MCM5: variants seen among roughly 807,000 people sequenced by gnomAD.
MCM5 encodes the protein DNA replication licensing factor MCM5.
A neutral mutation model predicts 79.9 loss-of-function variants in MCM5; 46 were observed. The observed-to-expected ratio is 0.58, with a 90% CI of 0.45 to 0.74. The LOEUF (loss-of-function observed/expected upper bound fraction) is 0.74. MCM5 is among the 30% of genes least tolerant of loss of function. The pLI, the probability that MCM5 is intolerant of heterozygous loss-of-function variation, is 0.00. For missense variants in MCM5, 883 were observed against 1,017.0 expected, an observed-to-expected ratio of 0.87 and a Z score of 1.79; for synonymous variants, 404 against 390.5, an observed-to-expected ratio of 1.03 and a Z score of -0.41.
the MCM5 span, among the ~76,000 whole-genome samples, chr22:35,444,828 A>G: frequency 1.3e-5 from 2 of 152,114 alleles, no homozygotes; most frequent in East Asian, 3.9e-4. Flanking sequence ...AGCCTGGGCG[A>G]TGTAGCAAGA....
the MCM5 span, among the ~76,000 whole-genome samples, chr22:35,446,749 A>G: frequency 1.3e-5 from 2 of 152,134 alleles, no homozygotes; most frequent in South Asian, 4.2e-4. Flanking sequence ...TCCTGGACTC[A>G]CCGCACCCCC....
chr22:35,412,667 G>A lies in MCM5; in HGVS notation c.1077G>A (p.Gly359=). ...MKKAIACLLF[G]GSRKRLPDGL... ...AGGCCATTGCCTGCCTGCTCTTTGGGGGCTCCCGAAAGAGGTAGGGGCTTG... is the reference window on the plus strand; with the variant it reads ...AGGCCATTGCCTGCCTGCTCTTTGGAGGCTCCCGAAAGAGGTAGGGGCTTG... Residue 359 remains glycine, a synonymous_variant, in exon 8 of 17, where the codon GGG becomes GGA. Coordinates refer to ENST00000216122, the MANE Select transcript of MCM5 (RefSeq NM_006739.4). 1.3e-6 allele frequency: 2 copies of A among 1,504,482 alleles called. No homozygotes were observed. Among genetic ancestry groups the A allele is most frequent in the Non-Finnish European group, 1.8e-6 (2 of 1,119,086 alleles). 93.2% of individuals were successfully genotyped at this position (1,504,482 alleles called of 1,614,324 possible).
chr22:35,406,244 T>C lies in MCM5; in HGVS notation c.424-309T>C, dbSNP rs577543526. On this transcript the variant is annotated intron_variant, in intron 4 of 16. Transcript: ENST00000216122. ...CAGAGCTGGGGTCAGGTCTCTCTCC[T>C]GGCACCTGCCACTTTGTAGTGAAAT... is the stretch of plus-strand genomic sequence containing the variant. 2.0e-5 allele frequency among the ~76,000 whole-genome samples: 3 copies of C among 149,218 alleles called. No homozygotes were observed. The East Asian group carries it at 5.9e-4, about 29-fold the overall frequency.
intron 14 of MCM5, among the ~76,000 whole-genome samples, chr22:35,420,983 C>T (rs1932677442): frequency 1.3e-5 from 2 of 151,916 alleles, no homozygotes. Context: ...AAAAAATTAG[C>T]CAGGCATTGT....
intron 8 of MCM5, among the ~76,000 whole-genome samples, chr22:35,413,369 A>G (rs527595540): frequency 6.6e-6 from 1 of 152,224 alleles, no homozygotes; most frequent in South Asian, 2.1e-4. Flanking sequence ...TAAGTGCTTT[A>G]TGTGTCTGAA....
At position 35,421,366 on chromosome 22, in the gene MCM5, G is replaced by A; in HGVS notation, c.1881G>A (p.Lys627=). 6.2e-7 allele frequency: 1 copy of A among 1,614,086 alleles called. No individual in the cohort carries two copies. Among genetic ancestry groups the A allele is most frequent in the Non-Finnish European group, 8.5e-7 (1 of 1,180,044 alleles). The change falls in exon 15 of 17, where the codon AAG becomes AAA. Residue 627 remains lysine (K), a synonymous_variant. Coordinates refer to ENST00000216122, the MANE Select transcript of MCM5 (RefSeq NM_006739.4). ...TCGCGGAAGCCCTCAGCAAGATGAAGCTGCAGCCCTTCGCCACAGAGGCAG... is the reference window on the plus strand; with the variant it reads ...TCGCGGAAGCCCTCAGCAAGATGAAACTGCAGCCCTTCGCCACAGAGGCAG... ...VRIAEALSKM[K]LQPFATEADV...
intron 9 of MCM5, among the ~76,000 whole-genome samples, chr22:35,414,410 A>C (rs970367907): frequency 1.3e-5 from 2 of 152,132 alleles, no homozygotes; most frequent in African/African-American, 4.8e-5. Context: ...GCTTGAGCTC[A>C]GGAGTTTGAG....
At chr22:35,417,647 A>C in intron 12 of MCM5, 97 bp from the exon 13 acceptor site, 1 of 827,276 alleles carries the variant, frequency 1.2e-6, no homozygotes, top group Non-Finnish European at 2.1e-6. Flanking sequence ...CCTTGATGCC[A>C]GGGCCCCATC....
At chr22:35,432,147 A>G in the MCM5 span, among the ~76,000 whole-genome samples, 2 of 152,194 alleles carry the variant, frequency 1.3e-5, no homozygotes, top group Non-Finnish European at 2.9e-5. Flanking sequence ...ATTCAGCTAA[A>G]TTTACCAAGC....
the MCM5 span, among the ~76,000 whole-genome samples, chr22:35,452,668 ACT>A: frequency 1.3e-5 from 2 of 151,910 alleles, no homozygotes; most frequent in Admixed American, 6.6e-5. Context: ...CTTTTCGTTG[ACT>A]CTGCAGCTCC....
chr22:35,427,798 A>G (rs1451026185), downstream of MCM5, among the ~76,000 whole-genome samples: 4 of 151,902 alleles, frequency 2.6e-5, no homozygotes, highest in Non-Finnish European at 5.9e-5. Context: ...AGAGTACATT[A>G]AAATGGTTTT....
the MCM5 span, among the ~76,000 whole-genome samples, chr22:35,443,221 C>T: frequency 6.6e-6 from 1 of 152,188 alleles, no homozygotes; most frequent in African/African-American, 2.4e-5. Context: ...GAATCTCGAT[C>T]TGTCACCCAG....
Position 35,400,691 on chromosome 22 carries a change from G to A in MCM5, c.167+86G>A, listed in dbSNP as rs1007593692. On this transcript the variant is annotated intron_variant, in intron 2 of 16. Coordinates refer to ENST00000216122, the MANE Select transcript of MCM5 (RefSeq NM_006739.4). ...AGCCTGCTAGAGTCCTGGACAGTCA[G>A]GGCACAGATGGGCCCAGACGGGGGA... 5 of 1,395,392 alleles carry A rather than the reference G, an allele frequency of 3.6e-6. No homozygotes were observed. The African/African-American group carries it at 5.8e-5, about 16-fold the overall frequency. 86.4% of individuals were successfully genotyped at this position (1,395,392 alleles called of 1,614,324 possible). A position where few individuals can be genotyped will look rare whatever the true frequency, so the allele number is the denominator to read the frequency against.
chr22:35,412,668 G>T lies in MCM5; in HGVS notation c.1078G>T (p.Gly360Cys), dbSNP rs1932420410. 6.7e-7 allele frequency: 1 copy of T among 1,503,618 alleles called. No homozygotes were observed. The highest frequency in any genetic ancestry group is 8.9e-7 in the Non-Finnish European group (1 of 1,118,640). The allele number at this position is 1,503,618 out of a possible 1,614,324, so 93.1% of individuals were successfully genotyped here. A position where few individuals can be genotyped will look rare whatever the true frequency, so the allele number is the denominator to read the frequency against. The change falls in exon 8 of 17, where the codon GGC becomes TGC. Residue 360 changes from glycine to cysteine, a missense_variant. Gly to Cys is a radical substitution (Grantham distance 159). Transcript: ENST00000216122. ...GGCCATTGCCTGCCTGCTCTTTGGG[G>T]GCTCCCGAAAGAGGTAGGGGCTTGA... ...KKAIACLLFG[G>C]SRKRLPDGLT...
the MCM5 span, among the ~76,000 whole-genome samples, chr22:35,453,439 C>T: frequency 1.5e-5 from 2 of 133,448 alleles, no homozygotes; most frequent in African/African-American, 6.0e-5. Context: ...GAGACAGAGA[C>T]AGGGACAGAG....
Position 35,406,699 on chromosome 22 carries a change from C to A in MCM5, c.570C>A (p.Gly190=). ...TTGCCATGCGCCCTGGCCTCGAGGG[C>A]TATGCCCTGCCCAGGAAGTGCAACA... ...TNIAMRPGLE[G]YALPRKCNTD... The change falls in exon 5 of 17, where the codon GGC becomes GGA. Residue 190 remains glycine (G), a synonymous_variant. Coordinates refer to ENST00000216122, the MANE Select transcript of MCM5 (RefSeq NM_006739.4). 6.2e-7 allele frequency: 1 copy of A among 1,609,360 alleles called. No homozygotes were observed.
At chr22:35,445,378 G>T in the MCM5 span, among the ~76,000 whole-genome samples, 1 of 127,690 alleles carries the variant, frequency 7.8e-6, no homozygotes, top group African/African-American at 3.1e-5. Context: ...GCCCAGACTG[G>T]AGTGCAGTGG....
At chr22:35,452,393 G>A in the MCM5 span, among the ~76,000 whole-genome samples, 53 of 152,324 alleles carry the variant, frequency 3.5e-4, 1 homozygote, top group South Asian at 5.6e-3. Context: ...TAGGCTCCAC[G>A]CCACAGGGAC....
the MCM5 span, among the ~76,000 whole-genome samples, chr22:35,438,954 T>TCCAC: frequency 6.7e-6 from 1 of 149,034 alleles, no homozygotes; most frequent in Non-Finnish European, 1.5e-5. Context: ...CATCCATGCA[T>TCCAC]CCACCCACCC....
Sources: allele counts gnomAD v4.1 joint callset (sites outside exome capture counted in the v4.1 genomes callset), GRCh38; gene constraint gnomAD v4.1.1; transcripts MANE v1.5; gene names NCBI Gene and HGNC (gene_info 2026-07-23, HGNC 2026-07-21).